The following SPOCK1 variants were observed in gnomAD, a reference collection of about 807,000 sequenced individuals.
The protein encoded by SPOCK1 is testican-1.
SPOCK1 carries 23 observed loss-of-function variants against 55.3 expected under a neutral mutation model. The observed-to-expected ratio is 0.42, with a 90% confidence interval of 0.30 to 0.59. SPOCK1 has a LOEUF of 0.59. SPOCK1 is among the 20% of genes least tolerant of loss of function. SPOCK1 has a pLI of 0.22. For synonymous variants in SPOCK1, 226 were observed against 221.0 expected, an observed-to-expected ratio of 1.02 and a Z score of -0.20; for missense variants, 499 against 552.5, an observed-to-expected ratio of 0.90 and a Z score of 0.97.
chr5:137,492,481 T>A (rs1287885415), intron 2 of SPOCK1, among the ~76,000 whole-genome samples: 1 of 152,176 alleles, frequency 6.6e-6, no homozygotes, highest in African/African-American at 2.4e-5. Context: ...GGATCCAGCC[T>A]TACATAAAAC....
chr5:137,411,022 T>C (rs1752198930), intron 2 of SPOCK1, among the ~76,000 whole-genome samples: 1 of 152,160 alleles, frequency 6.6e-6, no homozygotes. Context: ...CCCATGCTTC[T>C]CAGGACCAGT....
chr5:136,988,902 C>G (rs1373359381), intron 7 of SPOCK1: 1 of 361,304 alleles, frequency 2.8e-6, no homozygotes, highest in African/African-American at 2.0e-5. Flanking sequence ...GTTAACATAT[C>G]TGTGATATAA....
intron 2 of SPOCK1, among the ~76,000 whole-genome samples, chr5:137,281,789 C>A (rs574978447): frequency 6.6e-6 from 1 of 152,296 alleles, no homozygotes; most frequent in African/African-American, 2.4e-5. Flanking sequence ...TATTTGGGAA[C>A]AATACCGTGT....
At chr5:137,098,707 A>C (rs1041362616) in intron 5 of SPOCK1, among the ~76,000 whole-genome samples, 4 of 152,222 alleles carry the variant, frequency 2.6e-5, no homozygotes, top group Admixed American at 2.6e-4. Flanking sequence ...TGTCAAGAAC[A>C]CATTGCTCTT....
At chr5:137,160,144 T>C (rs190267750) in intron 3 of SPOCK1, among the ~76,000 whole-genome samples, 8 of 151,580 alleles carry the variant, frequency 5.3e-5, no homozygotes, top group South Asian at 2.1e-4. Flanking sequence ...CCAAAGTCCA[T>C]TGTATCATTC....
At chr5:137,293,235 G>A (rs1757409470) in intron 2 of SPOCK1, among the ~76,000 whole-genome samples, 1 of 151,514 alleles carries the variant, frequency 6.6e-6, no homozygotes, top group Admixed American at 6.6e-5. Flanking sequence ...TAAGACTTTG[G>A]CAGCTTTTAT....
At chr5:136,989,010 T>C (rs1320651422) in intron 7 of SPOCK1, among the ~76,000 whole-genome samples, 2 of 152,194 alleles carry the variant, frequency 1.3e-5, no homozygotes, top group Non-Finnish European at 2.9e-5. Context: ...AAACTATGCT[T>C]TCGTATTTCA....
intron 5 of SPOCK1, among the ~76,000 whole-genome samples, chr5:137,078,427 G>A (rs765000206): frequency 2.6e-5 from 4 of 152,102 alleles, no homozygotes; most frequent in Admixed American, 1.3e-4. Context: ...AGAATTCACC[G>A]GAGGTGGAGG....
chr5:137,436,012 G>A (rs868753223), intron 2 of SPOCK1, among the ~76,000 whole-genome samples: 7 of 20,700 alleles, frequency 3.4e-4, no homozygotes, highest in East Asian at 0.048. Context: ...AAAATTAGCC[G>A]AGTGTTGGTG....
At chr5:137,120,473 C>A (rs1161633029) in intron 4 of SPOCK1, among the ~76,000 whole-genome samples, 3 of 152,216 alleles carry the variant, frequency 2.0e-5, no homozygotes, top group African/African-American at 7.2e-5. Flanking sequence ...CCACGATGTA[C>A]CTCTCACCTG....
intron 2 of SPOCK1, among the ~76,000 whole-genome samples, chr5:137,393,785 G>C (rs1751780652): frequency 6.6e-6 from 1 of 152,166 alleles, no homozygotes. Context: ...ATAAACTTAA[G>C]TGCCTAACTC....
At chr5:137,494,185 C>A in intron 2 of SPOCK1, among the ~76,000 whole-genome samples, 1 of 152,188 alleles carries the variant, frequency 6.6e-6, no homozygotes, top group East Asian at 1.9e-4. Flanking sequence ...TTAATCAAAT[C>A]AGAAGCTCAT....
intron 6 of SPOCK1, among the ~76,000 whole-genome samples, chr5:137,024,319 G>GGGGA (rs1554093484): frequency 2.0e-5 from 3 of 148,152 alleles, no homozygotes; most frequent in Non-Finnish European, 4.5e-5. Context: ...TTTGAAGGGG[G>GGGGA]GGGGGTAGTT....
chr5:137,437,518 C>G (rs1297877201), intron 2 of SPOCK1, among the ~76,000 whole-genome samples: 1 of 152,184 alleles, frequency 6.6e-6, no homozygotes, highest in Non-Finnish European at 1.5e-5. Flanking sequence ...ACATTTTTAT[C>G]ACCTCTAAAA....
chr5:137,427,841 G>A (rs938119934), intron 2 of SPOCK1, among the ~76,000 whole-genome samples: 10 of 151,358 alleles, frequency 6.6e-5, no homozygotes, highest in African/African-American at 9.7e-5. Context: ...CCCAGGAGGC[G>A]GAGCTTGCAG....
chr5:137,366,007 C>T (rs1019258297), intron 2 of SPOCK1, among the ~76,000 whole-genome samples: 1 of 152,166 alleles, frequency 6.6e-6, no homozygotes, highest in Non-Finnish European at 1.5e-5. Context: ...CAAAAGGGTG[C>T]AGCAAAAGCT....
chr5:136,995,533 A>C (rs1751024621), intron 6 of SPOCK1, among the ~76,000 whole-genome samples: 1 of 152,038 alleles, frequency 6.6e-6, no homozygotes, highest in Non-Finnish European at 1.5e-5. Context: ...TAGGTTGTGC[A>C]TTCCGTAGTC....
chr5:137,039,083 C>T (rs1751939430), intron 6 of SPOCK1, among the ~76,000 whole-genome samples: 1 of 152,002 alleles, frequency 6.6e-6, no homozygotes, highest in Non-Finnish European at 1.5e-5. Flanking sequence ...GGATCCCATT[C>T]CAAGTGCTTT....
chr5:137,203,010 T>G (rs1291110721), intron 3 of SPOCK1, among the ~76,000 whole-genome samples: 3 of 152,230 alleles, frequency 2.0e-5, no homozygotes, highest in African/African-American at 2.4e-5. Context: ...AAGGTGAAAG[T>G]CAACCTTCTT....
Sources: gnomAD v4.1 joint callset for allele counts (sites outside exome capture counted in the v4.1 genomes callset) on GRCh38, gnomAD v4.1.1 for gene constraint, MANE v1.5 for transcripts, NCBI Gene and HGNC (gene_info 2026-07-23, HGNC 2026-07-21) for gene names.